The following FRYL variants were observed in gnomAD, a reference collection of about 807,000 sequenced individuals.
FRYL encodes FRY like transcription coactivator, also known as protein furry homolog-like.
Under a neutral mutation model 351.2 loss-of-function variants are expected in FRYL, and 150 were observed. That is an observed-to-expected ratio of 0.43 (90% CI 0.37 to 0.49). The LOEUF is 0.49. Ranked by LOEUF, FRYL falls within the 20% of genes least tolerant of loss-of-function variation. FRYL has a pLI of 0.00. For missense variants in FRYL, 3,036 were observed against 3,619.3 expected, an observed-to-expected ratio of 0.84 and a Z score of 4.13; for synonymous variants, 1,153 against 1,257.1, an observed-to-expected ratio of 0.92 and a Z score of 1.75.
intron 23 of FRYL, among the ~76,000 whole-genome samples, chr4:48,576,981 C>T (rs1739765584): frequency 6.6e-6 from 1 of 152,042 alleles, no homozygotes; most frequent in Non-Finnish European, 1.5e-5. Flanking sequence ...TTTCACCTCT[C>T]TATGTAAATT....
chr4:48,698,578 C>T (rs1229248057), intron 2 of FRYL, among the ~76,000 whole-genome samples: 2 of 152,194 alleles, frequency 1.3e-5, no homozygotes, highest in South Asian at 2.1e-4. Flanking sequence ...CAGTTCCTCT[C>T]GCTCTAGAAA....
At chr4:48,528,422 T>C in intron 50 of FRYL, 86 bp from the exon 51 acceptor site, 1 of 954,410 alleles carries the variant, frequency 1.0e-6, no homozygotes, top group Non-Finnish European at 1.4e-6. Flanking sequence ...CCTATAATAT[T>C]TTTTACAAAT....
chr4:48,645,697 C>T (rs1331372378), intron 3 of FRYL, among the ~76,000 whole-genome samples: 1 of 152,160 alleles, frequency 6.6e-6, no homozygotes, highest in African/African-American at 2.4e-5. Context: ...TTCTAATATG[C>T]AGCCAGGGTT....
intron 13 of FRYL, among the ~76,000 whole-genome samples, chr4:48,601,210 C>A (rs1745631322): frequency 6.6e-6 from 1 of 152,130 alleles, no homozygotes; most frequent in African/African-American, 2.4e-5. Flanking sequence ...AGTCTCAAGT[C>A]TAACTTAGAG....
At chr4:48,628,955 C>G (rs1752431602) in intron 4 of FRYL, among the ~76,000 whole-genome samples, 1 of 150,796 alleles carries the variant, frequency 6.6e-6, no homozygotes, top group Admixed American at 6.6e-5. Context: ...ATTATATAAT[C>G]TTTAAAACTA....
chr4:48,568,189 T>C (rs1737269073), intron 27 of FRYL, among the ~76,000 whole-genome samples: 1 of 152,166 alleles, frequency 6.6e-6, no homozygotes, highest in African/African-American at 2.4e-5. Flanking sequence ...TGTTTGAGCC[T>C]GGGAGACCTG....
chr4:48,620,896 G>A, intron 5 of FRYL, 118 bp from the exon 6 acceptor site: 1 of 898,484 alleles, frequency 1.1e-6, no homozygotes. Context: ...CAATAAATGT[G>A]CTTTAAAATT....
intron 1 of FRYL, among the ~76,000 whole-genome samples, chr4:48,762,287 A>G (rs1774497441): frequency 6.6e-6 from 1 of 152,228 alleles, no homozygotes; most frequent in Non-Finnish European, 1.5e-5. Flanking sequence ...ATTTTAACAT[A>G]TCTTGACACA....
At chr4:48,689,152 T>G (rs189456185) in intron 2 of FRYL, among the ~76,000 whole-genome samples, 227 of 152,350 alleles carry the variant, frequency 1.5e-3, no homozygotes, top group African/African-American at 5.0e-3. Context: ...GCAGGTGAAT[T>G]TGTCAACATT....
rs1309168955 is a variant in FRYL at position 48,517,084 on chromosome 4, A to G, written c.7690-1809T>C. Among the ~76,000 whole-genome samples, 6 of 152,196 alleles carry G rather than the reference A, an allele frequency of 3.9e-5. No individual in the cohort carries two copies. In the East Asian group the frequency reaches 1.2e-3, roughly 29 times the overall value. ...TCTTTACTTCAGCATTAAATATAATATAGTAGGATTATTTCTTAATTCTTC... is the reference window on the plus strand; with the variant it reads ...TCTTTACTTCAGCATTAAATATAATGTAGTAGGATTATTTCTTAATTCTTC... On this transcript the variant is annotated intron_variant, in intron 55 of 63. Coordinates refer to ENST00000358350, the MANE Select transcript of FRYL (RefSeq NM_015030.2).
At chr4:48,510,646 G>A (rs1409335093) in intron 58 of FRYL, among the ~76,000 whole-genome samples, 189 bp downstream of exon 58, 1 of 152,112 alleles carries the variant, frequency 6.6e-6, no homozygotes, top group African/African-American at 2.4e-5. Context: ...GCATGAAGGA[G>A]TCAGAATCAG....
intron 1 of FRYL, among the ~76,000 whole-genome samples, chr4:48,751,903 A>G (rs562438186): frequency 1.4e-4 from 21 of 148,466 alleles, no homozygotes; most frequent in East Asian, 5.9e-4. Context: ...CCCCAGACCC[A>G]TGGGATGAAT....
intron 57 of FRYL, 106 bp downstream of exon 57, chr4:48,512,375 T>C: frequency 1.1e-6 from 1 of 918,080 alleles, no homozygotes; most frequent in Non-Finnish European, 1.6e-6. Context: ...AAAAATTTGT[T>C]AAAACTGGTA....
At position 48,510,160 on chromosome 4, in the gene FRYL, G is replaced by A. The variant is rs73814779; in HGVS notation, c.8296-3C>T. On this transcript the variant is annotated splice_region_variant and splice_polypyrimidine_tract_variant and intron_variant, in intron 58 of 63. Transcript: ENST00000358350. The stretch of plus-strand genomic sequence containing the variant: ...TCCAGCAAACCACATGACATCAGCT[G>A]TCAAATCAGAAGTATTGATCCAGGT... 772 of 1,607,216 alleles carry A rather than the reference G, an allele frequency of 4.8e-4. 4 individuals are homozygous for A. The African/African-American group carries it at 9.5e-3, about 20-fold the overall frequency.
intron 1 of FRYL, among the ~76,000 whole-genome samples, chr4:48,749,303 C>T (rs567133585): frequency 1.3e-5 from 2 of 152,344 alleles, no homozygotes; most frequent in East Asian, 3.9e-4. Flanking sequence ...TGTCTTTCAG[C>T]ATGAGAAATT....
chr4:48,694,418 A>C (rs1765954079), intron 2 of FRYL, among the ~76,000 whole-genome samples: 4 of 151,586 alleles, frequency 2.6e-5, no homozygotes, highest in Admixed American at 2.6e-4. Context: ...CTGCTCAGCC[A>C]CCTGAGTAGC....
At chr4:48,779,167 G>C (rs1365653907) in intron 1 of FRYL, among the ~76,000 whole-genome samples, 2 of 152,166 alleles carry the variant, frequency 1.3e-5, no homozygotes, top group African/African-American at 4.8e-5. Context: ...AGCCTCTCCA[G>C]AACGCAGGAA....
chr4:48,632,706 G>A (rs548679858), intron 4 of FRYL, among the ~76,000 whole-genome samples: 1 of 152,054 alleles, frequency 6.6e-6, no homozygotes, highest in Non-Finnish European at 1.5e-5. Flanking sequence ...ATATACATTT[G>A]GCTATTATTA....
chr4:48,720,316 C>T (rs1245955947), intron 1 of FRYL, among the ~76,000 whole-genome samples: 2 of 151,572 alleles, frequency 1.3e-5, no homozygotes, highest in Non-Finnish European at 2.9e-5. Context: ...GCCAACATGA[C>T]AAAACCCGGT....
Sources: gnomAD v4.1 joint callset for allele counts (sites outside exome capture counted in the v4.1 genomes callset) on GRCh38, gnomAD v4.1.1 for gene constraint, MANE v1.5 for transcripts, NCBI Gene and HGNC (gene_info 2026-07-23, HGNC 2026-07-21) for gene names.